PFKL: variants seen among roughly 807,000 people sequenced by gnomAD.
PFKL encodes ATP-dependent 6-phosphofructokinase, liver type.
In PFKL, 74 loss-of-function variants were observed where a neutral mutation model predicts 92.1. The ratio of observed to expected loss-of-function variants is 0.80; its 90% CI spans 0.67 to 0.97. The LOEUF (loss-of-function observed/expected upper bound fraction) is 0.97, where lower values mean the gene tolerates loss of function less well. PFKL is among the 50% of genes least tolerant of loss of function. The pLI is 0.00. For synonymous variants in PFKL, 494 were observed against 456.4 expected (o/e 1.08, Z -1.05); for missense variants, 1,028 against 1,116.6 (o/e 0.92, Z 1.13).
chr21:44,316,574 T>A lies in PFKL; in HGVS notation c.936+50T>A, dbSNP rs1266559956. On this transcript the variant is annotated intron_variant, in intron 9 of 21. Transcript: ENST00000349048. ...CGTACGTGCGTGGGTAAGCGTGGTG[T>A]GTGGGTGTGGGTGTGGGCAGTGTGC... The A allele has an allele frequency of 3.7e-6, 5 of 1,336,772 alleles. No homozygotes were observed. The South Asian group carries it at 6.6e-5, about 18-fold the overall frequency. 82.8% of individuals were successfully genotyped at this position (1,336,772 alleles called of 1,614,324 possible).
chr21:44,304,933 G>C (rs2040888987), intron 1 of PFKL, among the ~76,000 whole-genome samples: 1 of 152,176 alleles, frequency 6.6e-6, no homozygotes, highest in South Asian at 2.1e-4. Flanking sequence ...TGCTCAAGTG[G>C]AGAAGCTGCC....
chr21:44,322,750 C>T (rs537249667), intron 14 of PFKL, among the ~76,000 whole-genome samples: 20 of 152,318 alleles, frequency 1.3e-4, no homozygotes, highest in Admixed American at 5.9e-4. Flanking sequence ...GTTGCCTGGC[C>T]GGTGCCTGGT....
At chr21:44,305,370 C>G in intron 1 of PFKL, 1 of 1,365,864 alleles carries the variant, frequency 7.3e-7, no homozygotes, top group Non-Finnish European at 9.8e-7. Context: ...TCGTGGGGGT[C>G]TCCATGTTCA....
chr21:44,317,429 C>T (rs1015207890), intron 9 of PFKL, among the ~76,000 whole-genome samples: 2 of 152,188 alleles, frequency 1.3e-5, no homozygotes, highest in African/African-American at 4.8e-5. Flanking sequence ...CTCTGTGAGG[C>T]CTCAGGCTCA....
chr21:44,324,346 C>T (rs1314823827), intron 16 of PFKL, 145 bp from the exon 17 acceptor site: 13 of 815,132 alleles, frequency 1.6e-5, no homozygotes, highest in Non-Finnish European at 2.5e-5. Context: ...GGGAGGTGGG[C>T]CCAAGCCTGG....
chr21:44,301,179 C>T (rs780318935), intron 1 of PFKL, among the ~76,000 whole-genome samples: 5 of 152,216 alleles, frequency 3.3e-5, no homozygotes, highest in East Asian at 1.9e-4. Flanking sequence ...AGAAGGAAGC[C>T]GGCCTTGAGT....
intron 1 of PFKL, among the ~76,000 whole-genome samples, chr21:44,303,475 C>G (rs1331802807): frequency 7.4e-6 from 1 of 135,340 alleles, no homozygotes; most frequent in Non-Finnish European, 1.6e-5. Flanking sequence ...CTGCCTATGC[C>G]TACCTTCATC....
Position 44,322,951 on chromosome 21 carries a change from T to G in PFKL, c.1410-11T>G. On this transcript the variant is annotated splice_polypyrimidine_tract_variant and intron_variant, in intron 14 of 21. Transcript: ENST00000349048. ...TGCTGCGTGTTCATGCGGATGTGTC[T>G]TTGACTGCAGGACCCTGCCCAAGGG... is the stretch of plus-strand genomic sequence containing the variant. The G allele has an allele frequency of 1.2e-6, 2 of 1,604,124 alleles. No individual in the cohort carries two copies. Among genetic ancestry groups the G allele is most frequent in the Non-Finnish European group, 1.7e-6 (2 of 1,173,026 alleles).
Position 44,311,084 on chromosome 21 carries a change from G to T in PFKL, c.237+1G>T. 6.2e-7 allele frequency: 1 copy of T among 1,612,240 alleles called. No individual in the cohort carries two copies. The highest frequency in any genetic ancestry group is 1.1e-5 in the South Asian group (1 of 90,922). Reference sequence around the variant, plus strand: ...GAGCGTCTCCAACATCATCCAGCTGGTGAGGCCTGGGAACGCGGATGCATG... The same window carrying T: ...GAGCGTCTCCAACATCATCCAGCTGTTGAGGCCTGGGAACGCGGATGCATG... On this transcript the variant is annotated splice_donor_variant, in intron 3 of 21. Coordinates refer to ENST00000349048, the MANE Select transcript of PFKL (RefSeq NM_002626.6). LOFTEE classifies it high-confidence loss of function.
chr21:44,306,814 A>C (rs1780874297), intron 2 of PFKL, 60 bp downstream of exon 2: 2 of 1,429,128 alleles, frequency 1.4e-6, no homozygotes, highest in South Asian at 1.2e-5. Flanking sequence ...GCGCATGCCG[A>C]GGTGTGTTCT....
At chr21:44,309,195 A>G (rs1051836432) in intron 2 of PFKL, among the ~76,000 whole-genome samples, 1 of 152,174 alleles carries the variant, frequency 6.6e-6, no homozygotes, top group Non-Finnish European at 1.5e-5. Context: ...TTCCTTCAGC[A>G]GGGAGACCGA....
intron 5 of PFKL, among the ~76,000 whole-genome samples, chr21:44,313,383 A>AC (rs2047111071): frequency 6.6e-6 from 1 of 152,166 alleles, no homozygotes; most frequent in Non-Finnish European, 1.5e-5. Context: ...CTGGGGTGTG[A>AC]CGCCCCCAAA....
intron 4 of PFKL, among the ~76,000 whole-genome samples, 183 bp downstream of exon 4, chr21:44,312,477 G>C (rs1362924107): frequency 2.6e-5 from 4 of 152,226 alleles, no homozygotes; most frequent in Admixed American, 2.6e-4. Context: ...GTCTCCCAGA[G>C]ATGGAGGTCA....
chr21:44,310,967 G>A (rs2047023570), intron 2 of PFKL, 39 bp from the exon 3 acceptor site: 1 of 1,526,562 alleles, frequency 6.6e-7, no homozygotes, highest in South Asian at 1.1e-5. Flanking sequence ...GGCCGCCATG[G>A]GGTCCCCTAT....
chr21:44,306,607 C>A, intron 1 of PFKL, 74 bp from the exon 2 acceptor site: 2 of 1,332,602 alleles, frequency 1.5e-6, no homozygotes, highest in East Asian at 2.5e-5. Context: ...TACCCCCTGT[C>A]CTCTGAGATG....
At chr21:44,325,516 C>G (rs1467273151) in intron 19 of PFKL, 2 of 565,586 alleles carry the variant, frequency 3.5e-6, no homozygotes, top group South Asian at 2.1e-5. Context: ...GCTCCCCACC[C>G]CTGCCAGGCC....
chr21:44,325,447 A>G lies in PFKL; in HGVS notation c.1989+183A>G, dbSNP rs2047479255. The G allele has an allele frequency of 5.1e-6, 3 of 587,978 alleles. No individual in the cohort carries two copies. In the African/African-American group the frequency reaches 5.7e-5, roughly 11 times the overall value. The allele number at this position is 587,978 out of a possible 1,614,324, so 36.4% of individuals were successfully genotyped here. ...ATCTAGGTGAGGTCTCATTTCAAGA[A>G]GGGGTGGGGCTGGGGCTGGAGCCGG... On this transcript the variant is annotated intron_variant, in intron 19 of 21. Coordinates refer to ENST00000349048, the MANE Select transcript of PFKL (RefSeq NM_002626.6).
chr21:44,317,865 T>G (rs2047250565), intron 9 of PFKL, among the ~76,000 whole-genome samples: 6 of 152,220 alleles, frequency 3.9e-5, no homozygotes, highest in Admixed American at 3.9e-4. Flanking sequence ...AAAACCTGTG[T>G]GGAACACGGA....
intron 1 of PFKL, 69 bp from the exon 2 acceptor site, chr21:44,306,612 G>A: frequency 7.2e-7 from 1 of 1,388,050 alleles, no homozygotes; most frequent in Non-Finnish European, 9.9e-7. Flanking sequence ...CCTGTCCTCT[G>A]AGATGGGGAG....
Sources: allele counts gnomAD v4.1 joint callset (sites outside exome capture counted in the v4.1 genomes callset), GRCh38; gene constraint gnomAD v4.1.1; transcripts MANE v1.5; gene names NCBI Gene and HGNC (gene_info 2026-07-23, HGNC 2026-07-21).